Variants in TRIM2 observed in about 807,000 individuals in gnomAD.
The protein encoded by TRIM2 is tripartite motif containing 2, also known as tripartite motif-containing protein 2.
In TRIM2, 20 loss-of-function variants were observed where a neutral mutation model predicts 75.2. The observed-to-expected ratio is 0.27, with a 90% CI of 0.19 to 0.39. TRIM2 has a LOEUF of 0.39. Among genes scored for constraint, TRIM2 ranks in the 10% least tolerant of loss-of-function variants. The pLI, the probability that TRIM2 is intolerant of heterozygous loss-of-function variation, is 1.00. For missense variants in TRIM2, 660 were observed against 990.8 expected (o/e 0.67, Z 4.48); for synonymous variants, 373 against 388.3 (o/e 0.96, Z 0.46).
At chr4:153,173,691 G>C (rs1731113563) in intron 1 of TRIM2, among the ~76,000 whole-genome samples, 1 of 151,532 alleles carries the variant, frequency 6.6e-6, no homozygotes, top group South Asian at 2.1e-4. Context: ...AATAAGGCCG[G>C]ACGTGGTGGC....
upstream of TRIM2, among the ~76,000 whole-genome samples, chr4:153,202,001 T>C (rs1167572577): frequency 1.3e-5 from 2 of 152,190 alleles, no homozygotes; most frequent in African/African-American, 4.8e-5. Flanking sequence ...TTGAAATAAT[T>C]AGAAGGATAC....
intron 8 of TRIM2, among the ~76,000 whole-genome samples, chr4:153,318,510 C>T (rs1371654): frequency 0.027 from 4,142 of 152,174 alleles, 181 homozygotes; most frequent in African/African-American, 0.095. Context: ...AATCTCCTGC[C>T]TTTCTGTAGC....
chr4:153,220,434 A>G (rs1739641377), intron 1 of TRIM2, among the ~76,000 whole-genome samples: 1 of 152,194 alleles, frequency 6.6e-6, no homozygotes, highest in Non-Finnish European at 1.5e-5. Flanking sequence ...GTCTGAAAGT[A>G]AAAGAAATGT....
chr4:153,228,119 G>T (rs1742639624), intron 1 of TRIM2, among the ~76,000 whole-genome samples: 1 of 152,132 alleles, frequency 6.6e-6, no homozygotes, highest in Non-Finnish European at 1.5e-5. Flanking sequence ...TGGATAAAAG[G>T]GTACCCAAAT....
intron 1 of TRIM2, among the ~76,000 whole-genome samples, chr4:153,173,350 C>T (rs1348673985): frequency 6.6e-6 from 1 of 151,786 alleles, no homozygotes; most frequent in Non-Finnish European, 1.5e-5. Context: ...TGAGCCCCTA[C>T]CTCTATTTAA....
intron 3 of TRIM2, among the ~76,000 whole-genome samples, chr4:153,282,364 G>A (rs556773614): frequency 5.1e-4 from 78 of 152,250 alleles, no homozygotes; most frequent in Non-Finnish European, 7.8e-4. Flanking sequence ...AATAAGCCAG[G>A]TCTGCTGCTG....
upstream of TRIM2, among the ~76,000 whole-genome samples, chr4:153,200,987 A>G (rs962954847): frequency 2.0e-5 from 3 of 151,624 alleles, no homozygotes; most frequent in Admixed American, 6.6e-5. Context: ...CTTCTGAGAC[A>G]TAGTCTTGCT....
Position 153,336,002 on chromosome 4 carries a change from T to C in TRIM2, c.*1036T>C. 1 of 985,866 alleles carries C rather than the reference T, an allele frequency of 1.0e-6. No individual in the cohort carries two copies. The highest frequency in any genetic ancestry group is 1.2e-6 in the Non-Finnish European group (1 of 829,940). 61.1% of individuals were successfully genotyped at this position (985,866 alleles called of 1,614,324 possible). ...TAGAAAGCAAGTGTTACCAAAGTTG[T>C]GTTATCTTGAAAGCATTACAGGTAA... On this transcript the variant is annotated 3_prime_UTR_variant, in exon 12 of 12. Coordinates refer to ENST00000338700, the MANE Select transcript of TRIM2 (RefSeq NM_015271.5).
chr4:153,332,228 G>T (rs1386764135), intron 11 of TRIM2, among the ~76,000 whole-genome samples: 1 of 152,180 alleles, frequency 6.6e-6, no homozygotes, highest in African/African-American at 2.4e-5. Flanking sequence ...AGGATAAAAA[G>T]ATAGGCAACA....
At chr4:153,307,671 A>G in intron 6 of TRIM2, 1 of 484,168 alleles carries the variant, frequency 2.1e-6, no homozygotes, top group Non-Finnish European at 3.9e-6. Context: ...AGGAACAGCC[A>G]CAGGGACTGC....
rs375505097 is a variant in TRIM2, at chr4:153,313,465, TC to T, written c.1511-2018del. Among the ~76,000 whole-genome samples the T allele has an allele frequency of 5.6e-4, 85 of 152,160 alleles. 3 individuals are homozygous for T. Among genetic ancestry groups the T allele is most frequent in the African/African-American group, 2.0e-3 (82 of 41,426 alleles). ...GTTGTTGATTTTATTCTAAGTTTAA[TC>T]CATCACCAATTTCAATTCCTAAACC... On this transcript the variant is annotated intron_variant, in intron 6 of 11. Coordinates refer to ENST00000338700, the MANE Select transcript of TRIM2 (RefSeq NM_015271.5).
At chr4:153,158,612 TA>T (rs996947291) in intron 1 of TRIM2, among the ~76,000 whole-genome samples, 10 of 151,256 alleles carry the variant, frequency 6.6e-5, no homozygotes, top group East Asian at 1.9e-4. Context: ...TTTGCACAAT[TA>T]AAAAAAAACA....
At chr4:153,315,379 A>G (rs41280465) in intron 6 of TRIM2, 106 bp from the exon 7 acceptor site, 53 of 876,826 alleles carry the variant, frequency 6.0e-5, no homozygotes, top group Non-Finnish European at 7.9e-5. Context: ...ATATTTAAAA[A>G]CAATGCATTC....
At chr4:153,273,131 C>A (rs1484629142) in intron 2 of TRIM2, among the ~76,000 whole-genome samples, 1 of 152,036 alleles carries the variant, frequency 6.6e-6, no homozygotes, top group Non-Finnish European at 1.5e-5. Context: ...GTCACTGCGC[C>A]CGGTGGGGAA....
At chr4:153,182,564 T>G (rs1732179261) in intron 1 of TRIM2, among the ~76,000 whole-genome samples, 1 of 152,176 alleles carries the variant, frequency 6.6e-6, no homozygotes, top group Non-Finnish European at 1.5e-5. Flanking sequence ...AAATAAAAGC[T>G]GTGAGCACAG....
At chr4:153,284,394 G>A (rs1043121247) in intron 3 of TRIM2, among the ~76,000 whole-genome samples, 2 of 151,466 alleles carry the variant, frequency 1.3e-5, no homozygotes, top group Non-Finnish European at 2.9e-5. Flanking sequence ...GTAGAGATGG[G>A]GTTTCCGCTG....
chr4:153,160,341 A>G (rs1385760249), intron 1 of TRIM2, among the ~76,000 whole-genome samples: 1 of 152,240 alleles, frequency 6.6e-6, no homozygotes, highest in Admixed American at 6.5e-5. Context: ...TCTAGAAATA[A>G]GCGCTTTTGA....
chr4:153,166,066 C>G (rs954283144), intron 1 of TRIM2, among the ~76,000 whole-genome samples: 2 of 152,048 alleles, frequency 1.3e-5, no homozygotes, highest in Non-Finnish European at 2.9e-5. Flanking sequence ...CCGTTGAAAT[C>G]TTTTCTTTTC....
At chr4:153,211,205 G>A (rs1736904777) in intron 1 of TRIM2, among the ~76,000 whole-genome samples, 1 of 152,186 alleles carries the variant, frequency 6.6e-6, no homozygotes, top group Admixed American at 6.5e-5. Context: ...TGAGGAAGGG[G>A]GTGCTGCTGA....
Sources: allele counts gnomAD v4.1 joint callset (sites outside exome capture counted in the v4.1 genomes callset), GRCh38; gene constraint gnomAD v4.1.1; transcripts MANE v1.5; gene names NCBI Gene and HGNC (gene_info 2026-07-23, HGNC 2026-07-21).